Variants in ERC2 observed in about 807,000 individuals in gnomAD.
ERC2 encodes ERC protein 2.
ERC2 carries 42 observed loss-of-function variants against 114.8 expected under a neutral mutation model. That is an observed-to-expected ratio of 0.37 (90% CI 0.29 to 0.47). ERC2 has a LOEUF of 0.47. Among genes scored for constraint, ERC2 ranks in the 20% least tolerant of loss-of-function variants. The probability of loss-of-function intolerance (pLI) is 0.99; values close to 1 mark genes in which losing one functional copy is unlikely to be tolerated. For missense variants in ERC2, 939 were observed against 1,150.7 expected (o/e 0.82, Z 2.66); for synonymous variants, 454 against 425.5 (o/e 1.07, Z -0.82).
At chr3:55,635,813 A>G (rs1559777318) in intron 17 of ERC2, among the ~76,000 whole-genome samples, 1 of 151,844 alleles carries the variant, frequency 6.6e-6, no homozygotes, top group Non-Finnish European at 1.5e-5. Context: ...CTCATCCATC[A>G]CTTTAAATAG....
At chr3:56,302,711 T>C (rs2055962901) in intron 2 of ERC2, among the ~76,000 whole-genome samples, 1 of 152,342 alleles carries the variant, frequency 6.6e-6, no homozygotes, top group Non-Finnish European at 1.5e-5. Flanking sequence ...TCTTGTTACC[T>C]ACAGCAAGTA....
chr3:55,651,406 C>G (rs1013754916), intron 17 of ERC2, among the ~76,000 whole-genome samples: 6 of 151,412 alleles, frequency 4.0e-5, no homozygotes, highest in Admixed American at 2.0e-4. Context: ...ATTAAATTGT[C>G]TACATCTTCC....
intron 12 of ERC2, among the ~76,000 whole-genome samples, chr3:55,956,818 C>T (rs897789930): frequency 6.6e-6 from 1 of 152,146 alleles, no homozygotes; most frequent in Non-Finnish European, 1.5e-5. Context: ...CCCAAGCCCA[C>T]ATCCCCACAT....
intron 4 of ERC2, among the ~76,000 whole-genome samples, chr3:56,159,368 A>C (rs1380197529): frequency 6.6e-6 from 1 of 152,220 alleles, no homozygotes; most frequent in Non-Finnish European, 1.5e-5. Context: ...TTCCCAGAAC[A>C]AATGTCAACA....
chr3:55,534,629 G>A (rs188845721), intron 17 of ERC2, among the ~76,000 whole-genome samples: 11 of 152,158 alleles, frequency 7.2e-5, no homozygotes, highest in Non-Finnish European at 1.5e-4. Flanking sequence ...CTGGGAAGTC[G>A]AGGCTGCAGT....
chr3:56,165,304 T>C (rs2082264228), intron 4 of ERC2, among the ~76,000 whole-genome samples: 1 of 152,034 alleles, frequency 6.6e-6, no homozygotes, highest in Non-Finnish European at 1.5e-5. Flanking sequence ...ATTTACGCTA[T>C]TGCATATGGC....
intron 2 of ERC2, among the ~76,000 whole-genome samples, chr3:56,403,750 T>C (rs1234450282): frequency 6.6e-6 from 1 of 152,192 alleles, no homozygotes; most frequent in East Asian, 1.9e-4. Context: ...GAAGTCCATA[T>C]TTCTCCAGAC....
chr3:56,463,830 TC>T (rs1164503562), intron 1 of ERC2, among the ~76,000 whole-genome samples: 1 of 152,178 alleles, frequency 6.6e-6, no homozygotes, highest in Non-Finnish European at 1.5e-5. Context: ...ATCCAAGAAG[TC>T]CTTCCTTACA....
At chr3:55,949,341 G>A (rs1010517771) in intron 13 of ERC2, among the ~76,000 whole-genome samples, 7 of 151,896 alleles carry the variant, frequency 4.6e-5, no homozygotes, top group African/African-American at 1.7e-4. Flanking sequence ...CTGCTCTCCA[G>A]TCTGGGCGAC....
intron 7 of ERC2, among the ~76,000 whole-genome samples, chr3:56,036,302 A>G (rs2074797457): frequency 6.6e-6 from 1 of 152,214 alleles, no homozygotes; most frequent in Non-Finnish European, 1.5e-5. Context: ...GGGACACGAC[A>G]AGGATGCCCA....
intron 5 of ERC2, among the ~76,000 whole-genome samples, chr3:56,147,470 TACAC>T (rs146429953): frequency 1.3e-5 from 2 of 151,572 alleles, no homozygotes; most frequent in South Asian, 2.1e-4. Context: ...CATGCTTGCA[TACAC>T]ACACACACAC....
intron 12 of ERC2, among the ~76,000 whole-genome samples, chr3:55,953,653 G>A (rs1363941454): frequency 6.6e-6 from 1 of 152,048 alleles, no homozygotes; most frequent in Non-Finnish European, 1.5e-5. Context: ...TGTTTCTCAG[G>A]GAAGCCCTAA....
intron 17 of ERC2, among the ~76,000 whole-genome samples, chr3:55,533,137 T>C (rs2053773185): frequency 6.6e-6 from 1 of 152,140 alleles, no homozygotes; most frequent in Non-Finnish European, 1.5e-5. Context: ...GCCTAAGGGA[T>C]TTTCACAGGG....
intron 17 of ERC2, among the ~76,000 whole-genome samples, chr3:55,527,280 G>A (rs1278697287): frequency 6.6e-6 from 1 of 152,212 alleles, no homozygotes; most frequent in Non-Finnish European, 1.5e-5. Context: ...TAGAGGTGTT[G>A]AGAGAAATAG....
At chr3:55,873,417 G>T (rs2149287538) in intron 14 of ERC2, among the ~76,000 whole-genome samples, 1 of 152,294 alleles carries the variant, frequency 6.6e-6, no homozygotes, top group African/African-American at 2.4e-5. Flanking sequence ...AAATAGAGAT[G>T]ATAACAGTAC....
chr3:55,927,039 CA>C (rs1470837638), intron 13 of ERC2, among the ~76,000 whole-genome samples: 1 of 152,034 alleles, frequency 6.6e-6, no homozygotes, highest in African/African-American at 2.4e-5. Context: ...GAGTGGAGGG[CA>C]AATCAGTTCT....
intron 17 of ERC2, among the ~76,000 whole-genome samples, chr3:55,626,027 G>T (rs555183181): frequency 1.3e-5 from 2 of 152,226 alleles, no homozygotes; most frequent in East Asian, 3.9e-4. Flanking sequence ...CGTCTGTTTT[G>T]GTTCCTGAAA....
rs543408653 is a variant in ERC2 at position 55,582,543 on chromosome 3, T to C, written c.*40-71267A>G. On this transcript the variant is annotated intron_variant, in intron 17 of 17. Coordinates refer to ENST00000288221, the MANE Select transcript of ERC2 (RefSeq NM_015576.3). Reference sequence around the variant, plus strand: ...TCTTCTTTTTTAAATGAATGATCTATCTCAATGGCTGAATTTTGCACAGCT... The same window carrying C: ...TCTTCTTTTTTAAATGAATGATCTACCTCAATGGCTGAATTTTGCACAGCT... Among the ~76,000 whole-genome samples, 4 of 152,380 alleles carry C rather than the reference T, an allele frequency of 2.6e-5. No homozygotes were observed. The South Asian group carries it at 8.3e-4, about 32-fold the overall frequency.
chr3:56,202,558 A>G lies in ERC2; in HGVS notation c.1075-29038T>C, dbSNP rs372272622. 4.0e-5 allele frequency among the ~76,000 whole-genome samples: 6 copies of G among 151,072 alleles called. No homozygotes were observed. In the East Asian group the frequency reaches 1.2e-3, roughly 30 times the overall value. On this transcript the variant is annotated intron_variant, in intron 3 of 17. Transcript: ENST00000288221. ...TATATGCGGCTTTATGGGGGTATAA[A>G]TGACCAAAAAATTATATATATTTAA...
Sources: gnomAD v4.1 joint callset for allele counts (sites outside exome capture counted in the v4.1 genomes callset) on GRCh38, gnomAD v4.1.1 for gene constraint, MANE v1.5 for transcripts, NCBI Gene and HGNC (gene_info 2026-07-23, HGNC 2026-07-21) for gene names.